ANO6: variants seen among roughly 807,000 people sequenced by gnomAD.
ANO6 encodes the protein anoctamin-6.
In ANO6, 106 loss-of-function variants were observed where a neutral mutation model predicts 117.5. The ratio of observed to expected loss-of-function variants is 0.90; its 90% CI spans 0.77 to 1.06. ANO6 has a LOEUF of 1.06. Ranked by LOEUF, ANO6 falls within the 50% of genes least tolerant of loss-of-function variation. The probability of loss-of-function intolerance (pLI) is 0.00; values close to 1 mark genes in which losing one functional copy is unlikely to be tolerated. For missense variants in ANO6, 955 were observed against 1,121.1 expected (o/e 0.85, Z 2.12); for synonymous variants, 367 against 385.1 (o/e 0.95, Z 0.55).
At chr12:45,422,525 A>G (rs1943390546) in intron 18 of ANO6, among the ~76,000 whole-genome samples, 1 of 152,126 alleles carries the variant, frequency 6.6e-6, no homozygotes, top group Non-Finnish European at 1.5e-5. Context: ...TTGAGCTTTA[A>G]GAGAAAATGT....
At chr12:45,229,902 A>G (rs1426770774) in intron 1 of ANO6, among the ~76,000 whole-genome samples, 2 of 131,900 alleles carry the variant, frequency 1.5e-5, no homozygotes, top group African/African-American at 5.6e-5. Flanking sequence ...AACGAATGTT[A>G]GAACCTACTT....
At chr12:45,300,969 T>A (rs1161604797) in intron 1 of ANO6, among the ~76,000 whole-genome samples, 1 of 152,224 alleles carries the variant, frequency 6.6e-6, no homozygotes, top group Non-Finnish European at 1.5e-5. Context: ...CAGAATGACC[T>A]ACCTTCTTGA....
chr12:45,355,775 G>A (rs890434135), intron 7 of ANO6, among the ~76,000 whole-genome samples: 1 of 152,102 alleles, frequency 6.6e-6, no homozygotes, highest in Non-Finnish European at 1.5e-5. Flanking sequence ...TGTGACCCAT[G>A]GAACTGGTCT....
intron 1 of ANO6, among the ~76,000 whole-genome samples, chr12:45,243,245 G>A (rs1339973080): frequency 6.6e-6 from 1 of 152,174 alleles, no homozygotes; most frequent in Non-Finnish European, 1.5e-5. Flanking sequence ...TTTGAGCCTG[G>A]GAGGTTGAGG....
At chr12:45,279,926 G>A (rs1209058566) in intron 1 of ANO6, among the ~76,000 whole-genome samples, 1 of 152,148 alleles carries the variant, frequency 6.6e-6, no homozygotes, top group African/African-American at 2.4e-5. Flanking sequence ...AGGTAAAATT[G>A]CAACCCACAT....
At chr12:45,439,696 C>A in exon 20 of ANO6, 1 of 1,454,240 alleles carries the variant, frequency 6.9e-7, no homozygotes, top group Non-Finnish European at 9.2e-7. Flanking sequence ...GTTGCCCAGG[C>A]TGGGACACAG....
At chr12:45,243,797 G>A (rs184327011) in intron 1 of ANO6, among the ~76,000 whole-genome samples, 3 of 152,230 alleles carry the variant, frequency 2.0e-5, no homozygotes, top group Admixed American at 6.5e-5. Flanking sequence ...TGATCTGCCC[G>A]CCTCAGCTTC....
At chr12:45,290,175 T>G (rs1939049242) in intron 1 of ANO6, among the ~76,000 whole-genome samples, 1 of 152,160 alleles carries the variant, frequency 6.6e-6, no homozygotes, top group African/African-American at 2.4e-5. Flanking sequence ...TGTAAAATTT[T>G]TTTTTTTTTA....
chr12:45,388,101 G>A (rs576534713), intron 10 of ANO6, 60 bp from the exon 11 acceptor site: 2 of 1,597,704 alleles, frequency 1.3e-6, no homozygotes, highest in East Asian at 4.5e-5. Flanking sequence ...ATTCAGTACA[G>A]ATTTCTGAAA....
intron 1 of ANO6, among the ~76,000 whole-genome samples, chr12:45,247,352 C>T (rs750262742): frequency 8.5e-5 from 13 of 152,170 alleles, no homozygotes; most frequent in Non-Finnish European, 1.0e-4. Flanking sequence ...ATTATAAATA[C>T]GTGTATTGAC....
At chr12:45,346,439 T>G (rs1941134276) in intron 3 of ANO6, among the ~76,000 whole-genome samples, 1 of 152,216 alleles carries the variant, frequency 6.6e-6, no homozygotes. Context: ...AGTTCACTAT[T>G]TTTATGGATT....
At chr12:45,388,366 C>G (rs930670517) in intron 11 of ANO6, 63 bp downstream of exon 11, 2 of 1,599,060 alleles carry the variant, frequency 1.3e-6, no homozygotes, top group Non-Finnish European at 1.7e-6. Flanking sequence ...CCTCCTTGGC[C>G]GCACATTAGA....
At chr12:45,348,659 A>G in intron 6 of ANO6, 28 bp downstream of exon 6, 1 of 1,537,926 alleles carries the variant, frequency 6.5e-7, no homozygotes, top group Non-Finnish European at 9.0e-7. Flanking sequence ...AATGAACTAA[A>G]AGGCCTTCTG....
At chr12:45,439,612 A>G (rs960621607) in intron 19 of ANO6, 1 of 1,317,832 alleles carries the variant, frequency 7.6e-7, no homozygotes, top group Non-Finnish European at 9.7e-7. Context: ...CCTGAAGACA[A>G]TAATTACCAG....
In ANO6 at chr12:45,224,518, C is replaced by G. The variant is rs191691124; in HGVS notation, c.70+8127C>G. Among the ~76,000 whole-genome samples, 358 of 152,246 alleles carry G rather than the reference C, an allele frequency of 2.4e-3. 1 individual carries two copies. The highest frequency in any genetic ancestry group is 7.4e-3 in the African/African-American group (306 of 41,550). On this transcript the variant is annotated intron_variant, in intron 1 of 19. Coordinates refer to ENST00000320560, the MANE Select transcript of ANO6 (RefSeq NM_001025356.3). ...TCCTCAAACTCTCTTTTAGAATAGT[C>G]TTGCTTCTTTTTATAAACCTTTTGT... is the stretch of plus-strand genomic sequence containing the variant.
chr12:45,251,657 T>C (rs1441912269), intron 1 of ANO6, among the ~76,000 whole-genome samples: 1 of 152,200 alleles, frequency 6.6e-6, no homozygotes, highest in Non-Finnish European at 1.5e-5. Flanking sequence ...CGCAGGTACC[T>C]TTCTCATCAT....
chr12:45,390,483 T>C lies in ANO6; in HGVS notation c.1371T>C (p.Ser457=). The C allele has an allele frequency of 6.2e-7, 1 of 1,613,634 alleles. No homozygotes were observed. Among genetic ancestry groups the C allele is most frequent in the Non-Finnish European group, 8.5e-7 (1 of 1,179,710 alleles). Residue 457 remains serine, a synonymous_variant, in exon 12 of 20, where the codon AGT becomes AGC. Coordinates refer to ENST00000320560, the MANE Select transcript of ANO6 (RefSeq NM_001025356.3). ...GKCIRITLCA[S]AVFFWILLII... is the part of the protein sequence containing the mutation. ...GTATACGGATAACCCTCTGTGCCAG[T>C]GCTGTCTTTTTCTGGGTAATTCTAT... is the stretch of plus-strand genomic sequence containing the variant.
Position 45,313,873 on chromosome 12 carries a change from A to G in ANO6, c.150+11780A>G, listed in dbSNP as rs145873860. ...TATGTACTATTTTGAGTAAGCGACT[A>G]TTAGCTTCACTAAATTTTGGAGTAA... is the stretch of plus-strand genomic sequence containing the variant. On this transcript the variant is annotated intron_variant, in intron 2 of 19. Coordinates refer to ENST00000320560, the MANE Select transcript of ANO6 (RefSeq NM_001025356.3). Among the ~76,000 whole-genome samples, 450 of 152,232 alleles carry G rather than the reference A, an allele frequency of 3.0e-3. 1 individual carries two copies. The highest frequency in any genetic ancestry group is 0.01 in the Middle Eastern group (3 of 294).
rs557107505 is a variant in ANO6, at chr12:45,357,545, G to A, written c.998+121G>A. On this transcript the variant is annotated intron_variant, in intron 8 of 19. Transcript: ENST00000320560. ...CTGCAGAACATTCATTGCTTGGGAT[G>A]ATATATCCCTTTTGTTCTGAGCACA... The A allele has an allele frequency of 5.2e-4, 660 of 1,273,130 alleles. No homozygotes were observed. The African/African-American group carries it at 9.2e-3, about 18-fold the overall frequency. 78.9% of individuals were successfully genotyped at this position (1,273,130 alleles called of 1,614,324 possible).
Sources: gnomAD v4.1 joint callset for allele counts (sites outside exome capture counted in the v4.1 genomes callset) on GRCh38, gnomAD v4.1.1 for gene constraint, MANE v1.5 for transcripts, NCBI Gene and HGNC (gene_info 2026-07-23, HGNC 2026-07-21) for gene names.